VAT1: variants seen among roughly 807,000 people sequenced by gnomAD.
VAT1 encodes the protein NADPH-dependent quinone oxidoreductase VAT1.
VAT1 carries 24 observed loss-of-function variants against 33.3 expected under a neutral mutation model. The ratio of observed to expected loss-of-function variants is 0.72; its 90% CI spans 0.52 to 1.01. The LOEUF (loss-of-function observed/expected upper bound fraction) is 1.01, where lower values mean the gene tolerates loss of function less well. Ranked by LOEUF, VAT1 falls within the 50% of genes least tolerant of loss-of-function variation. The pLI, the probability that VAT1 is intolerant of heterozygous loss-of-function variation, is 0.00. For missense variants in VAT1, 436 were observed against 533.7 expected, an observed-to-expected ratio of 0.82 and a Z score of 1.80; for synonymous variants, 212 against 225.0, an observed-to-expected ratio of 0.94 and a Z score of 0.52.
chr17:43,016,097 C>G lies in VAT1; in HGVS notation c.1146G>C (p.Lys382Asn), dbSNP rs773845836. 1.9e-6 allele frequency: 3 copies of G among 1,614,182 alleles called. No homozygotes were observed. Among genetic ancestry groups the G allele is most frequent in the Non-Finnish European group, 2.5e-6 (3 of 1,180,024 alleles). The part of the protein sequence containing the change: ...KQMQEKKNVG[K>N]VLLVPGPEKE... The stretch of plus-strand genomic sequence containing the variant: ...TCTCTGGCCCTGGAACCAGGAGGAC[C>G]TTGCCCACATTCTTCTTCTCCTGCA... The change falls in exon 6 of 6, where the codon AAG becomes AAC. Residue 382 changes from lysine (K) to asparagine (N), a missense_variant. Physicochemically the swap from Lys to Asn is moderately conservative, Grantham distance 94 (BLOSUM62 0). Coordinates refer to ENST00000355653, the MANE Select transcript of VAT1 (RefSeq NM_006373.4).
In VAT1 at chr17:43,016,431, C is replaced by T; in HGVS notation, c.974G>A (p.Gly325Asp). The T allele has an allele frequency of 6.2e-7, 1 of 1,614,180 alleles. No individual in the cohort carries two copies. The highest frequency in any genetic ancestry group is 8.5e-7 in the Non-Finnish European group (1 of 1,180,042). ...QLLQANRAVC[G>D]FHLGYLDGEV... is the part of the protein sequence containing the mutation. ...ACCATCCAGGTAGCCCAGGTGGAAG[C>T]CACACACAGCCCGGTTGGCCTGCAG... Residue 325 changes from glycine to aspartate, a missense_variant, in exon 5 of 6, where the codon GGC (glycine) becomes GAC (aspartate). Gly to Asp is a moderately conservative substitution (Grantham distance 94). This residue lies in a region of VAT1 where 282 missense variants were observed against 405.4 expected (regional missense o/e 0.70). Transcript: ENST00000355653.
Position 43,022,330 on chromosome 17 carries a change from A to T in VAT1, c.-8T>A. 6.4e-7 allele frequency: 1 copy of T among 1,551,080 alleles called. No individual in the cohort carries two copies. Among genetic ancestry groups the T allele is most frequent in the Non-Finnish European group, 8.7e-7 (1 of 1,152,462 alleles). On this transcript the variant is annotated 5_prime_UTR_variant, in exon 1 of 6. Coordinates refer to ENST00000355653, the MANE Select transcript of VAT1 (RefSeq NM_006373.4). ...CTCTCTCTCGTCGGACATGGCTGGG[A>T]CTCCCGACGAGAGCGCACAGCTGGA...
Position 43,021,986 on chromosome 17 carries a change from C to T in VAT1, c.337G>A (p.Glu113Lys). 1 of 1,611,190 alleles carries T rather than the reference C, an allele frequency of 6.2e-7. No individual in the cohort carries two copies. The stretch of plus-strand genomic sequence containing the variant: ...ACTGCGATCACAACACCCGCGCCCT[C>T]CATGCCCGGAGTGACAGGCAGAGGC... ...LPPLPVTPGMEGAGVVIAVGE... is the reference protein window; with the variant it reads ...LPPLPVTPGMKGAGVVIAVGE... The change falls in exon 1 of 6, where the codon GAG (glutamate) becomes AAG (lysine). Residue 113 changes from glutamate to lysine, a missense_variant. By Grantham distance (56) the Glu-to-Lys change is moderately conservative. This residue lies in a region of VAT1 where 282 missense variants were observed against 405.4 expected (regional missense o/e 0.70). Transcript: ENST00000355653.
At position 43,018,128 on chromosome 17, in the gene VAT1, T is replaced by C; in HGVS notation, c.674A>G (p.Lys225Arg). The change falls in exon 3 of 6, where the codon AAG (lysine) becomes AGG (arginine). Residue 225 changes from lysine to arginine, a missense_variant. Coordinates refer to ENST00000355653, the MANE Select transcript of VAT1 (RefSeq NM_006373.4). The stretch of plus-strand genomic sequence containing the variant: ...CCCATTCTCCTTCAGTGCCTCGTGC[T>C]TGCTGGCCGAGGCCGTTCCGAACAC... ...VTVFGTASAS[K>R]HEALKENGVT... 1 of 1,614,226 alleles carries C rather than the reference T, an allele frequency of 6.2e-7. No individual in the cohort carries two copies. Among genetic ancestry groups the C allele is most frequent in the Non-Finnish European group, 8.5e-7 (1 of 1,180,052 alleles).
In VAT1 at chr17:43,018,026, T is replaced by C. The variant is rs752761735; in HGVS notation, c.766+10A>G. 1 of 1,612,514 alleles carries C rather than the reference T, an allele frequency of 6.2e-7. No individual in the cohort carries two copies. Among genetic ancestry groups the C allele is most frequent in the Admixed American group, 1.7e-5 (1 of 60,004 alleles). ...TGCCTCCCTACCCCCTCCCATATTA[T>C]GCCCCCCACCTTTAGGGGAAATCTT... On this transcript the variant is annotated intron_variant, in intron 3 of 5. Coordinates refer to ENST00000355653, the MANE Select transcript of VAT1 (RefSeq NM_006373.4).
At position 43,022,358 on chromosome 17, in the gene VAT1, G is replaced by A. The variant is rs866173559; in HGVS notation, c.-36C>T. ...CCCGACGAGAGCGCACAGCTGGATG[G>A]AGAGTGCACAGCTGGGGAAGGCGGA... is the stretch of plus-strand genomic sequence containing the variant. On this transcript the variant is annotated 5_prime_UTR_variant, in exon 1 of 6. Coordinates refer to ENST00000355653, the MANE Select transcript of VAT1 (RefSeq NM_006373.4). 1.3e-6 allele frequency: 2 copies of A among 1,523,632 alleles called. No individual in the cohort carries two copies. Among genetic ancestry groups the A allele is most frequent in the Non-Finnish European group, 1.8e-6 (2 of 1,138,828 alleles). 94.4% of individuals were successfully genotyped at this position (1,523,632 alleles called of 1,614,324 possible).
chr17:43,015,744 CAG>C lies in VAT1; in HGVS notation c.*315_*316del, dbSNP rs920390292. 2.3e-5 allele frequency: 10 copies of C among 430,816 alleles called. 1 individual carries two copies. The East Asian group carries it at 4.7e-4, about 20-fold the overall frequency. 26.7% of individuals were successfully genotyped at this position (430,816 alleles called of 1,614,324 possible). On this transcript the variant is annotated 3_prime_UTR_variant, in exon 6 of 6. Transcript: ENST00000355653. The stretch of plus-strand genomic sequence containing the variant: ...AGAGGTGAAAGCACATGGAACACAA[CAG>C]GGGGGACTGGCTAACCTTGGCACAA...
At chr17:43,018,887 C>A in intron 1 of VAT1, 88 bp from the exon 2 acceptor site, 1 of 1,307,670 alleles carries the variant, frequency 7.6e-7, no homozygotes, top group Non-Finnish European at 1.1e-6. Context: ...AGGCTACCTT[C>A]TTCCAAATGA....
chr17:43,020,015 A>C (rs2050553257), intron 1 of VAT1: 1 of 807,114 alleles, frequency 1.2e-6, no homozygotes, highest in African/African-American at 1.9e-5. Flanking sequence ...GAGAACAAGA[A>C]CGGAAGCCCT....
At chr17:43,016,165 C>A in intron 5 of VAT1, 21 bp from the exon 6 acceptor site, 1 of 1,613,876 alleles carries the variant, frequency 6.2e-7, no homozygotes, top group South Asian at 1.1e-5. Context: ...AGGAAAGATG[C>A]GGCTCCCAGT....
chr17:43,017,785 T>A, intron 4 of VAT1, 56 bp downstream of exon 4: 2 of 1,528,642 alleles, frequency 1.3e-6, no homozygotes, highest in Non-Finnish European at 1.8e-6. Context: ...ATCCCACCCC[T>A]TAGACCCTCC....
Position 43,017,369 on chromosome 17 carries a change from G to A in VAT1, c.856+472C>T, listed in dbSNP as rs188099073. ...AGGCTGAGGCGGCTGGATCACCTGAGATCAGGAGTTCAAGACCAGCCTGGC... is the reference window on the plus strand; with the variant it reads ...AGGCTGAGGCGGCTGGATCACCTGAAATCAGGAGTTCAAGACCAGCCTGGC... On this transcript the variant is annotated intron_variant, in intron 4 of 5. Coordinates refer to ENST00000355653, the MANE Select transcript of VAT1 (RefSeq NM_006373.4). Among the ~76,000 whole-genome samples the A allele has an allele frequency of 4.9e-4, 74 of 151,420 alleles. 2 individuals are homozygous for A. The East Asian group carries it at 0.015, about 30-fold the overall frequency.
intron 1 of VAT1, among the ~76,000 whole-genome samples, chr17:43,020,983 T>C (rs532917055): frequency 6.6e-6 from 1 of 151,890 alleles, no homozygotes; most frequent in Admixed American, 6.6e-5. Context: ...TTTTGAGCTC[T>C]CTGGTGTCCA....
At position 43,015,453 on chromosome 17, in the gene VAT1, C is replaced by T. The variant is rs558454689; in HGVS notation, c.*608G>A. ...GTGACCTAGGGGAGTAGGTCTGATT[C>T]CCGCCCTGTTGGAAGAGGCAGCCTT... On this transcript the variant is annotated 3_prime_UTR_variant, in exon 6 of 6. Transcript: ENST00000355653. The T allele has an allele frequency of 1.3e-5, 2 of 155,414 alleles. No individual in the cohort carries two copies. The highest frequency in any genetic ancestry group is 2.0e-4 in the South Asian group (1 of 5,020). The allele number at this position is 155,414 out of a possible 1,614,324, so 9.6% of individuals were successfully genotyped here.
Position 43,018,061 on chromosome 17 carries a change from A to G in VAT1, c.741T>C (p.Asp247=). ...PIDYHTTDYV[D]EIKKISPKGV... ...CTTTAGGGGAAATCTTCTTGATCTC[A>G]TCCACGTAGTCAGTCGTGTGATAGT... is the stretch of plus-strand genomic sequence containing the variant. The change falls in exon 3 of 6, where the codon GAT becomes GAC. Residue 247 remains aspartate (D), a synonymous_variant. Coordinates refer to ENST00000355653, the MANE Select transcript of VAT1 (RefSeq NM_006373.4). 6.2e-7 allele frequency: 1 copy of G among 1,612,768 alleles called. No homozygotes were observed.
chr17:43,022,319 A>C lies in VAT1; in HGVS notation c.4T>G (p.Ser2Ala). M[S>A]DEREVAEAAT... ...GCCTCGGCTACCTCTCTCTCGTCGG[A>C]CATGGCTGGGACTCCCGACGAGAGC... The change falls in exon 1 of 6, where the codon TCC (serine) becomes GCC (alanine). Residue 2 changes from serine to alanine, a missense_variant. Physicochemically the swap from Ser to Ala is moderately conservative, Grantham distance 99 (BLOSUM62 1). Around this residue, in one of 2 missense-constraint regions of VAT1, gnomAD observed 154 missense variants for 128.3 expected, o/e 1.20. Coordinates refer to ENST00000355653, the MANE Select transcript of VAT1 (RefSeq NM_006373.4). 1 of 1,576,852 alleles carries C rather than the reference A, an allele frequency of 6.3e-7. No homozygotes were observed. The highest frequency in any genetic ancestry group is 1.1e-5 in the South Asian group (1 of 88,098).
intron 1 of VAT1, 88 bp from the exon 2 acceptor site, chr17:43,018,887 C>T: frequency 7.6e-7 from 1 of 1,307,674 alleles, no homozygotes. Context: ...AGGCTACCTT[C>T]TTCCAAATGA....
chr17:43,020,042 G>A lies in VAT1; in HGVS notation c.388-1243C>T, dbSNP rs192663626. The A allele has an allele frequency of 2.9e-4, 277 of 947,906 alleles. No homozygotes were observed. The African/African-American group carries it at 4.6e-3, about 16-fold the overall frequency. 58.7% of individuals were successfully genotyped at this position (947,906 alleles called of 1,614,324 possible). A position where few individuals can be genotyped will look rare whatever the true frequency, so the allele number is the denominator to read the frequency against. ...GGAAGCCCTCCACCCAGGGACTCAG[G>A]ACTAGCAGATACAGAACAACCCAGG... On this transcript the variant is annotated intron_variant, in intron 1 of 5. Coordinates refer to ENST00000355653, the MANE Select transcript of VAT1 (RefSeq NM_006373.4).
Position 43,018,207 on chromosome 17 carries a change from C to G in VAT1, c.596-1G>C, listed in dbSNP as rs1218521646. 6.2e-7 allele frequency: 1 copy of G among 1,604,608 alleles called. No individual in the cohort carries two copies. Among genetic ancestry groups the G allele is most frequent in the Admixed American group, 1.7e-5 (1 of 59,794 alleles). On this transcript the variant is annotated splice_acceptor_variant, in intron 2 of 5. Transcript: ENST00000355653. LOFTEE classifies it high-confidence loss of function. ...TGCACGGCAGCCATACCCACACCCCCTGCAGCAAGACACCCATAAGCAGGG... is the reference window on the plus strand; with the variant it reads ...TGCACGGCAGCCATACCCACACCCCGTGCAGCAAGACACCCATAAGCAGGG...
Sources: allele counts gnomAD v4.1 joint callset (sites outside exome capture counted in the v4.1 genomes callset), GRCh38; gene constraint gnomAD v4.1.1; regional missense constraint gnomAD v4.1.1; transcripts MANE v1.5; gene names NCBI Gene and HGNC (gene_info 2026-07-23, HGNC 2026-07-21).